The following USF3 variants were observed in gnomAD, a reference collection of about 807,000 sequenced individuals.
The protein encoded by USF3 is basic helix-loop-helix domain-containing protein USF3.
Under a neutral mutation model 157.5 loss-of-function variants are expected in USF3, and 29 were observed. The ratio of observed to expected loss-of-function variants is 0.18; its 90% CI spans 0.14 to 0.25. The LOEUF is 0.25. Ranked by LOEUF, USF3 falls within the 10% of genes least tolerant of loss-of-function variation. USF3 has a pLI of 1.00. For synonymous variants in USF3, 893 were observed against 941.4 expected (o/e 0.95, Z 0.94); for missense variants, 2,381 against 2,667.6 (o/e 0.89, Z 2.37).
At chr3:113,674,658 TA>T (rs1394094736) in intron 3 of USF3, among the ~76,000 whole-genome samples, 173 bp downstream of exon 3, 7 of 152,236 alleles carry the variant, frequency 4.6e-5, no homozygotes. Flanking sequence ...AGATAATTTT[TA>T]ACCATATACC....
chr3:113,681,966 G>A (rs746895200), intron 1 of USF3, among the ~76,000 whole-genome samples: 2 of 152,150 alleles, frequency 1.3e-5, no homozygotes, highest in East Asian at 1.9e-4. Context: ...TGATCCACCC[G>A]CCTCGGCCTC....
chr3:113,652,108 A>AGAGAGAGAGAGTGTGTGTGTGT lies in USF3; in HGVS notation c.*2835_*2836insACACACACACACTCTCTCTCTC, dbSNP rs1266464109. On this transcript the variant is annotated 3_prime_UTR_variant, in exon 7 of 7. Transcript: ENST00000316407. ...TGGAGAGAGAGAGAGAGAGAGAGAG[A>AGAGAGAGAGAGTGTGTGTGTGT]GTGTGTGTGTGTGTGTGTGTGTGTG... 7.0e-6 allele frequency: 1 copy of AGAGAGAGAGAGTGTGTGTGTGT among 141,978 alleles called. No individual in the cohort carries two copies. Among genetic ancestry groups the AGAGAGAGAGAGTGTGTGTGTGT allele is most frequent in the African/African-American group, 2.6e-5 (1 of 38,276 alleles). 8.8% of individuals were successfully genotyped at this position (141,978 alleles called of 1,614,324 possible).
At chr3:113,674,726 G>T in intron 3 of USF3, 106 bp downstream of exon 3, 2 of 818,186 alleles carry the variant, frequency 2.4e-6, no homozygotes, top group Non-Finnish European at 4.3e-6. Context: ...TAATTTCCTC[G>T]GTATCTAAAT....
rs1947312665 is a variant in USF3 at position 113,654,140 on chromosome 3, C to G, written c.*804G>C. On this transcript the variant is annotated 3_prime_UTR_variant, in exon 7 of 7. Transcript: ENST00000316407. ...TTAACTGCACCCATGCAAAACTCCA[C>G]AATACAACTAACTGCTTTTACCCTT... 6.6e-6 allele frequency: 1 copy of G among 152,644 alleles called. No homozygotes were observed. Among genetic ancestry groups the G allele is most frequent in the Non-Finnish European group, 1.5e-5 (1 of 68,032 alleles). The allele number at this position is 152,644 out of a possible 1,614,324, so 9.5% of individuals were successfully genotyped here. A position where few individuals can be genotyped will look rare whatever the true frequency, so the allele number is the denominator to read the frequency against.
chr3:113,694,130 A>G (rs891000820), intron 1 of USF3, among the ~76,000 whole-genome samples: 3 of 152,234 alleles, frequency 2.0e-5, no homozygotes, highest in African/African-American at 7.2e-5. Context: ...ATGCTCATGT[A>G]CAGTCTGGAT....
chr3:113,673,765 C>A lies in USF3; in HGVS notation c.48-389G>T, dbSNP rs538654277. On this transcript the variant is annotated intron_variant, in intron 3 of 6. Transcript: ENST00000316407. ...GTTTGTCCTGGCACCTGGACCAGTA[C>A]GGGTGTGCGTGTGCAGGAGACACAA... is the stretch of plus-strand genomic sequence containing the variant. Among the ~76,000 whole-genome samples, 249 of 152,272 alleles carry A rather than the reference C, an allele frequency of 1.6e-3. 3 individuals are homozygous for A. Among genetic ancestry groups the A allele is most frequent in the African/African-American group, 5.7e-3 (235 of 41,544 alleles).
chr3:113,692,116 T>C (rs980220365), intron 1 of USF3, among the ~76,000 whole-genome samples: 1 of 152,154 alleles, frequency 6.6e-6, no homozygotes, highest in Non-Finnish European at 1.5e-5. Context: ...CCTATGATAA[T>C]CTAATGCTGC....
rs1266094832 is a variant in USF3 at position 113,650,202 on chromosome 3, C to T, written c.*4742G>A. The T allele has an allele frequency of 2.6e-5, 6 of 234,342 alleles. No homozygotes were observed. The East Asian group carries it at 3.8e-4, about 15-fold the overall frequency. The allele number at this position is 234,342 out of a possible 1,614,324, so 14.5% of individuals were successfully genotyped here. On this transcript the variant is annotated 3_prime_UTR_variant, in exon 7 of 7. Coordinates refer to ENST00000316407, the MANE Select transcript of USF3 (RefSeq NM_001009899.4). ...CTGTTTCATTTTGGTATCACCTTTG[C>T]CCTTTCATTCTTCACAGGAAAAAAC...
At position 113,659,168 on chromosome 3, in the gene USF3, A is replaced by G. The variant is rs937144659; in HGVS notation, c.2514T>C (p.Asp838=). Residue 838 remains aspartate, a synonymous_variant, in exon 7 of 7, where the codon GAT becomes GAC. Coordinates refer to ENST00000316407, the MANE Select transcript of USF3 (RefSeq NM_001009899.4). ...CAGCAGGGAAGCTTTCTAGCAGTCCATCATTACAGGGTGGCTCTGCTGAGC... is the reference window on the plus strand; with the variant it reads ...CAGCAGGGAAGCTTTCTAGCAGTCCGTCATTACAGGGTGGCTCTGCTGAGC... ...TEGSAEPPCN[D]GLLESFPAVL... 6.2e-7 allele frequency: 1 copy of G among 1,614,120 alleles called. No individual in the cohort carries two copies. The highest frequency in any genetic ancestry group is 1.3e-5 in the African/African-American group (1 of 74,942).
chr3:113,660,777 T>G lies in USF3; in HGVS notation c.905A>C (p.Asn302Thr), dbSNP rs1187616811. 1.9e-6 allele frequency: 3 copies of G among 1,614,242 alleles called. No homozygotes were observed. The change falls in exon 7 of 7, where the codon AAC (asparagine) becomes ACC (threonine). Residue 302 changes from asparagine to threonine, a missense_variant. Physicochemically the swap from Asn to Thr is moderately conservative, Grantham distance 65. Transcript: ENST00000316407. ...VLKKMTPCVT[N>T]IPHSSSATAT... Reference sequence around the variant, plus strand: ...AGTTGCTGAGGAGCTGTGGGGGATGTTTGTAACACAAGGGGTCATTTTCTT... The same window carrying G: ...AGTTGCTGAGGAGCTGTGGGGGATGGTTGTAACACAAGGGGTCATTTTCTT...
intron 4 of USF3, among the ~76,000 whole-genome samples, chr3:113,672,874 T>A (rs1049752067): frequency 1.3e-5 from 2 of 152,258 alleles, no homozygotes; most frequent in African/African-American, 4.8e-5. Context: ...ATATTTGAGA[T>A]AAAATCCAAT....
chr3:113,659,452 G>C lies in USF3; in HGVS notation c.2230C>G (p.Gln744Glu). 1 of 1,614,226 alleles carries C rather than the reference G, an allele frequency of 6.2e-7. No homozygotes were observed. Among genetic ancestry groups the C allele is most frequent in the Non-Finnish European group, 8.5e-7 (1 of 1,180,022 alleles). ...PANSQTAANS[Q>E]TTTANCVSLT... is the part of the protein sequence containing the mutation. Reference sequence around the variant, plus strand: ...GAAACACAGTTAGCTGTAGTGGTTTGACTATTTGCAGCAGTTTGAGAATTG... The same window carrying C: ...GAAACACAGTTAGCTGTAGTGGTTTCACTATTTGCAGCAGTTTGAGAATTG... The change falls in exon 7 of 7, where the codon CAA becomes GAA. Residue 744 changes from glutamine to glutamate, a missense_variant. Physicochemically the swap from Gln to Glu is conservative, Grantham distance 29 (BLOSUM62 2). This residue lies in a region of USF3 where 1,435 missense variants were observed against 1,550.9 expected (regional missense o/e 0.93). Coordinates refer to ENST00000316407, the MANE Select transcript of USF3 (RefSeq NM_001009899.4).
In USF3 at chr3:113,653,510, G is replaced by GGA. The variant is rs1315391047; in HGVS notation, c.*1432_*1433dup. The GGA allele has an allele frequency of 6.6e-6, 1 of 151,530 alleles. No homozygotes were observed. Among genetic ancestry groups the GGA allele is most frequent in the African/African-American group, 2.4e-5 (1 of 41,028 alleles). 9.4% of individuals were successfully genotyped at this position (151,530 alleles called of 1,614,324 possible). On this transcript the variant is annotated 3_prime_UTR_variant, in exon 7 of 7. Coordinates refer to ENST00000316407, the MANE Select transcript of USF3 (RefSeq NM_001009899.4). ...CCCAGCTACACAGGAGGCTGAGGCA[G>GGA]GAGAATCACTTGAACCCGGGAGGTG...
chr3:113,657,519 G>A lies in USF3; in HGVS notation c.4163C>T (p.Pro1388Leu). The A allele has an allele frequency of 1.2e-6, 2 of 1,614,124 alleles. No individual in the cohort carries two copies. The highest frequency in any genetic ancestry group is 1.7e-6 in the Non-Finnish European group (2 of 1,180,040). Residue 1388 changes from proline to leucine, a missense_variant, in exon 7 of 7, where the codon CCT becomes CTT. Physicochemically the swap from Pro to Leu is moderately conservative, Grantham distance 98. Coordinates refer to ENST00000316407, the MANE Select transcript of USF3 (RefSeq NM_001009899.4). ...IPPNSSNSVVPVSNPAHGDGL... is the reference protein window; with the variant it reads ...IPPNSSNSVVLVSNPAHGDGL... ...ATCTCCATGAGCTGGGTTGCTAACA[G>A]GCACAACTGAGTTTGAAGAATTAGG...
rs1455614695 is a variant in USF3, at chr3:113,649,095, G to A, written c.*5849C>T. On this transcript the variant is annotated 3_prime_UTR_variant, in exon 7 of 7. Coordinates refer to ENST00000316407, the MANE Select transcript of USF3 (RefSeq NM_001009899.4). ...GAAAAATGATTTGAAGACTTCAGGG[G>A]TGGGAGCACAGAGAAGTCTTAGAAA... 2 of 152,510 alleles carry A rather than the reference G, an allele frequency of 1.3e-5. No individual in the cohort carries two copies. Among genetic ancestry groups the A allele is most frequent in the Non-Finnish European group, 2.9e-5 (2 of 68,032 alleles). The allele number at this position is 152,510 out of a possible 1,614,324, so 9.4% of individuals were successfully genotyped here. A position where few individuals can be genotyped will look rare whatever the true frequency, so the allele number is the denominator to read the frequency against.
chr3:113,662,358 G>A (rs1051871088), intron 6 of USF3, among the ~76,000 whole-genome samples: 1 of 152,196 alleles, frequency 6.6e-6, no homozygotes. Context: ...AAGGTAGATA[G>A]CTTCACCTAT....
chr3:113,672,418 G>A (rs565669203), intron 4 of USF3, among the ~76,000 whole-genome samples: 3 of 151,970 alleles, frequency 2.0e-5, no homozygotes, highest in African/African-American at 7.2e-5. Flanking sequence ...GAACCACCAC[G>A]ATCGGCCTAT....
chr3:113,654,902 T>C lies in USF3; in HGVS notation c.*42A>G. 6.4e-7 allele frequency: 1 copy of C among 1,568,310 alleles called. No individual in the cohort carries two copies. Among genetic ancestry groups the C allele is most frequent in the South Asian group, 1.2e-5 (1 of 82,910 alleles). On this transcript the variant is annotated 3_prime_UTR_variant, in exon 7 of 7. Transcript: ENST00000316407. ...TGTGCACATGCACGCACAAATACAT[T>C]TGTAATCTCACTCATTACCTTTACA...
intron 5 of USF3, among the ~76,000 whole-genome samples, chr3:113,669,615 A>C (rs770960622): frequency 1.8e-4 from 27 of 152,028 alleles, no homozygotes; most frequent in Non-Finnish European, 2.5e-4. Context: ...GAGGGATAAT[A>C]ATAATTATCC....
Sources: gnomAD v4.1 joint callset for allele counts (sites outside exome capture counted in the v4.1 genomes callset) on GRCh38, gnomAD v4.1.1 for gene constraint, gnomAD v4.1.1 regional missense constraint, MANE v1.5 for transcripts, NCBI Gene and HGNC (gene_info 2026-07-23, HGNC 2026-07-21) for gene names.